The following SHISA9 variants were observed in gnomAD, a reference collection of about 807,000 sequenced individuals.
SHISA9 encodes shisa family member 9.
Under a neutral mutation model 38.0 loss-of-function variants are expected in SHISA9, and 13 were observed. That is an observed-to-expected ratio of 0.34 (90% CI 0.22 to 0.54). The LOEUF (loss-of-function observed/expected upper bound fraction) is 0.54, where lower values mean the gene tolerates loss of function less well. Among genes scored for constraint, SHISA9 ranks in the 20% least tolerant of loss-of-function variants. The probability of loss-of-function intolerance (pLI) is 0.91; values close to 1 mark genes in which losing one functional copy is unlikely to be tolerated. For synonymous variants in SHISA9, 275 were observed against 242.0 expected (o/e 1.14, Z -1.27); for missense variants, 538 against 575.8 (o/e 0.93, Z 0.67).
chr16:13,448,520 C>T, the SHISA9 span, among the ~76,000 whole-genome samples: 28 of 152,298 alleles, frequency 1.8e-4, no homozygotes, highest in African/African-American at 6.3e-4. Flanking sequence ...AAGAGGTGAA[C>T]GGACCGTACT....
intron 2 of SHISA9, among the ~76,000 whole-genome samples, chr16:13,076,889 T>C (rs998841275): frequency 6.6e-6 from 1 of 152,222 alleles, no homozygotes; most frequent in African/African-American, 2.4e-5. Flanking sequence ...TAAATATTTG[T>C]TGAATTAATG....
intron 2 of SHISA9, among the ~76,000 whole-genome samples, chr16:13,003,241 G>T (rs904319556): frequency 2.0e-5 from 3 of 152,168 alleles, no homozygotes; most frequent in Non-Finnish European, 2.9e-5. Flanking sequence ...TGGGACTTTA[G>T]CCCTAGGTCA....
At position 13,072,349 on chromosome 16, in the gene SHISA9, C is replaced by T. The variant is rs80219795; in HGVS notation, c.692-131045C>T. ...ACCATCATGGGTTCTGGAGACATGG[C>T]CGGTGGGGCAGTAGCTTGGTGGTGG... On this transcript the variant is annotated intron_variant, in intron 2 of 4. Transcript: ENST00000558583. Among the ~76,000 whole-genome samples, 668 of 152,302 alleles carry T rather than the reference C, an allele frequency of 4.4e-3. 3 individuals carry two copies. The highest frequency in any genetic ancestry group is 8.1e-3 in the Non-Finnish European group (548 of 68,014).
At chr16:13,069,061 G>C (rs1303551884) in intron 2 of SHISA9, among the ~76,000 whole-genome samples, 1 of 151,918 alleles carries the variant, frequency 6.6e-6, no homozygotes, top group Non-Finnish European at 1.5e-5. Context: ...ATGTGTATAT[G>C]TATGTGTGTA....
At chr16:13,152,162 T>C (rs942478372) in intron 2 of SHISA9, among the ~76,000 whole-genome samples, 35 of 152,308 alleles carry the variant, frequency 2.3e-4, no homozygotes, top group African/African-American at 8.2e-4. Flanking sequence ...ACTATAAAAA[T>C]ACCCAGAGAT....
chr16:13,056,049 T>C (rs551185421), intron 2 of SHISA9, among the ~76,000 whole-genome samples: 3 of 152,276 alleles, frequency 2.0e-5, no homozygotes, highest in Admixed American at 6.5e-5. Flanking sequence ...GACTGTGAAC[T>C]GTAGGAGGGC....
At chr16:13,016,306 C>T (rs71386743) in intron 2 of SHISA9, among the ~76,000 whole-genome samples, 11,887 of 152,068 alleles carry the variant, frequency 0.078, 618 homozygotes, top group East Asian at 0.27. Flanking sequence ...CAGCCTCTGA[C>T]GGCTTCAACA....
At chr16:13,062,327 A>G (rs2073385990) in intron 2 of SHISA9, among the ~76,000 whole-genome samples, 1 of 152,220 alleles carries the variant, frequency 6.6e-6, no homozygotes, top group Non-Finnish European at 1.5e-5. Flanking sequence ...AGGTGTTCAG[A>G]TAAATCCTAT....
At chr16:13,469,324 A>AG in the SHISA9 span, among the ~76,000 whole-genome samples, 25 of 81,380 alleles carry the variant, frequency 3.1e-4, no homozygotes, top group African/African-American at 9.2e-4. Context: ...GAGAGAGAGA[A>AG]AGAAAGAAAG....
intron 2 of SHISA9, among the ~76,000 whole-genome samples, chr16:12,989,454 C>T (rs888297847): frequency 1.1e-4 from 17 of 152,114 alleles, no homozygotes; most frequent in African/African-American, 4.1e-4. Context: ...GTTGGGATTA[C>T]AGGCATGAGC....
In SHISA9 at chr16:13,185,149, G is replaced by C. The variant is rs190365128; in HGVS notation, c.692-18245G>C. Among the ~76,000 whole-genome samples the C allele has an allele frequency of 1.7e-4, 26 of 152,252 alleles. 2 individuals are homozygous for C. Among genetic ancestry groups the C allele is most frequent in the African/African-American group, 5.8e-4 (24 of 41,546 alleles). On this transcript the variant is annotated intron_variant, in intron 2 of 4. Transcript: ENST00000558583. ...TTTTTGGTATTCTTACAGATATATA[G>C]TGATAACTCATTTTTGTATTATTTA... is the stretch of plus-strand genomic sequence containing the variant.
intron 2 of SHISA9, among the ~76,000 whole-genome samples, chr16:12,926,323 A>G (rs1313973524): frequency 6.6e-6 from 1 of 152,160 alleles, no homozygotes; most frequent in Non-Finnish European, 1.5e-5. Context: ...GAATTGCAGT[A>G]TTAGACTACA....
the SHISA9 span, among the ~76,000 whole-genome samples, chr16:13,294,734 T>A: frequency 6.6e-6 from 1 of 152,134 alleles, no homozygotes; most frequent in Non-Finnish European, 1.5e-5. Flanking sequence ...AGAGCAGGGG[T>A]CTCAAACTCA....
At chr16:13,316,051 G>A in the SHISA9 span, among the ~76,000 whole-genome samples, 1 of 151,906 alleles carries the variant, frequency 6.6e-6, no homozygotes, top group Non-Finnish European at 1.5e-5. Context: ...GATGCCCAGT[G>A]TTGTACCCAA....
At chr16:13,292,122 C>G in the SHISA9 span, among the ~76,000 whole-genome samples, 2 of 151,840 alleles carry the variant, frequency 1.3e-5, no homozygotes, top group Admixed American at 1.3e-4. Flanking sequence ...GTGGAGACAT[C>G]ATGGCCCCCT....
intron 2 of SHISA9, among the ~76,000 whole-genome samples, chr16:12,980,177 A>G (rs1183125510): frequency 6.6e-6 from 1 of 152,202 alleles, no homozygotes; most frequent in Non-Finnish European, 1.5e-5. Flanking sequence ...GTCAAACTTT[A>G]CCAAGGCATT....
At chr16:13,012,441 G>C (rs894413690) in intron 2 of SHISA9, among the ~76,000 whole-genome samples, 9 of 152,166 alleles carry the variant, frequency 5.9e-5, no homozygotes, top group African/African-American at 2.2e-4. Context: ...GAGCTTGTAT[G>C]ATGGAGGTGT....
chr16:13,551,176 T>G, the SHISA9 span, among the ~76,000 whole-genome samples: 1 of 151,182 alleles, frequency 6.6e-6, no homozygotes, highest in African/African-American at 2.4e-5. Flanking sequence ...ACTGAAGATC[T>G]TTGCTCTTCT....
intron 4 of SHISA9, among the ~76,000 whole-genome samples, chr16:13,224,097 T>C (rs1339858212): frequency 6.6e-6 from 1 of 152,172 alleles, no homozygotes; most frequent in South Asian, 2.1e-4. Flanking sequence ...GGATAGCAAA[T>C]GTAAATTCCT....
Sources: gnomAD v4.1 joint callset for allele counts (sites outside exome capture counted in the v4.1 genomes callset) on GRCh38, gnomAD v4.1.1 for gene constraint, MANE v1.5 for transcripts, NCBI Gene and HGNC (gene_info 2026-07-23, HGNC 2026-07-21) for gene names.